CACNB2: variants seen among roughly 807,000 people sequenced by gnomAD.
The protein encoded by CACNB2 is voltage-dependent L-type calcium channel subunit beta-2.
CACNB2 carries 42 observed loss-of-function variants against 73.3 expected under a neutral mutation model. The observed-to-expected ratio is 0.57, with a 90% CI of 0.45 to 0.74. The LOEUF is 0.74. Ranked by LOEUF, CACNB2 falls within the 30% of genes least tolerant of loss-of-function variation. CACNB2 has a pLI of 0.00. For missense variants in CACNB2, 940 were observed against 853.0 expected (o/e 1.10, Z -1.27); for synonymous variants, 348 against 310.3 (o/e 1.12, Z -1.28).
At chr10:18,228,130 A>G (rs1250436187) in intron 2 of CACNB2, among the ~76,000 whole-genome samples, 2 of 152,202 alleles carry the variant, frequency 1.3e-5, no homozygotes, top group Non-Finnish European at 2.9e-5. Flanking sequence ...TTGGGGGGAA[A>G]AAGAAAAATA....
At chr10:18,260,945 C>G (rs1477497896) in intron 2 of CACNB2, 1 of 1,270,554 alleles carries the variant, frequency 7.9e-7, no homozygotes, top group African/African-American at 1.5e-5. Context: ...CTGGACAGTC[C>G]TAACTCTGTG....
intron 7 of CACNB2, among the ~76,000 whole-genome samples, chr10:18,517,634 A>T (rs1564642072): frequency 6.6e-6 from 1 of 152,214 alleles, no homozygotes; most frequent in Non-Finnish European, 1.5e-5. Flanking sequence ...TCCCTCGAAG[A>T]CACATAAACC....
At chr10:18,173,884 G>A (rs1287287091) in intron 2 of CACNB2, among the ~76,000 whole-genome samples, 2 of 152,150 alleles carry the variant, frequency 1.3e-5, no homozygotes, top group Non-Finnish European at 2.9e-5. Context: ...CTATAAAAGT[G>A]CCACAAATAC....
At chr10:18,425,698 A>G (rs2045565030) in intron 3 of CACNB2, among the ~76,000 whole-genome samples, 1 of 152,156 alleles carries the variant, frequency 6.6e-6, no homozygotes, top group Non-Finnish European at 1.5e-5. Context: ...GCAAAAAAGG[A>G]AATTCTTTCC....
intron 1 of CACNB2, among the ~76,000 whole-genome samples, chr10:18,149,807 C>G (rs1429958371): frequency 6.6e-6 from 1 of 152,212 alleles, no homozygotes; most frequent in Non-Finnish European, 1.5e-5. Context: ...CATCTTCCAA[C>G]CCCTGTATAG....
At chr10:18,173,014 A>G (rs1564315695) in intron 2 of CACNB2, among the ~76,000 whole-genome samples, 1 of 146,824 alleles carries the variant, frequency 6.8e-6, no homozygotes, top group East Asian at 2.0e-4. Context: ...TACACCTCCC[A>G]GGTTCAAGTG....
intron 3 of CACNB2, among the ~76,000 whole-genome samples, chr10:18,468,129 T>A (rs969204804): frequency 2.0e-5 from 3 of 152,056 alleles, no homozygotes; most frequent in Non-Finnish European, 4.4e-5. Flanking sequence ...AGAACTGGGG[T>A]GCTCAAACAC....
Position 18,462,978 on chromosome 10 carries a change from C to T in CACNB2, c.334-35377C>T, listed in dbSNP as rs189781120. Among the ~76,000 whole-genome samples, 343 of 152,164 alleles carry T rather than the reference C, an allele frequency of 2.3e-3. 1 individual carries two copies. Among genetic ancestry groups the T allele is most frequent in the African/African-American group, 7.5e-3 (311 of 41,520 alleles). ...TTCACCATGTTGGCCAGGCTGGTCT[C>T]GAACTCCTGACCTCATGGTCCACCC... On this transcript the variant is annotated intron_variant, in intron 3 of 13. Transcript: ENST00000324631.
At chr10:18,354,865 C>G (rs2041848334) in intron 2 of CACNB2, among the ~76,000 whole-genome samples, 1 of 152,220 alleles carries the variant, frequency 6.6e-6, no homozygotes, top group African/African-American at 2.4e-5. Flanking sequence ...AAAGTCACAT[C>G]TGAAGCTCAA....
chr10:18,247,711 G>T (rs1342702575), intron 2 of CACNB2, among the ~76,000 whole-genome samples: 1 of 152,140 alleles, frequency 6.6e-6, no homozygotes, highest in South Asian at 2.1e-4. Context: ...CTGGGAAGTC[G>T]AAGGTTGAGG....
intron 2 of CACNB2, among the ~76,000 whole-genome samples, chr10:18,299,378 AG>A (rs1311082385): frequency 1.3e-5 from 2 of 152,166 alleles, no homozygotes; most frequent in South Asian, 2.1e-4. Flanking sequence ...CCCAAGGAAA[AG>A]CTCCACTGTG....
chr10:18,259,590 G>T (rs751827929), intron 2 of CACNB2, among the ~76,000 whole-genome samples: 1 of 150,286 alleles, frequency 6.7e-6, no homozygotes, highest in East Asian at 2.0e-4. Flanking sequence ...AAGTAGCCAG[G>T]CATGGTGGTG....
intron 2 of CACNB2, among the ~76,000 whole-genome samples, chr10:18,268,166 G>A (rs767686088): frequency 6.6e-6 from 1 of 152,198 alleles, no homozygotes; most frequent in Non-Finnish European, 1.5e-5. Flanking sequence ...CTCTTGTAAA[G>A]CGTATTGAAT....
intron 3 of CACNB2, among the ~76,000 whole-genome samples, chr10:18,405,817 G>A (rs2044256767): frequency 2.0e-5 from 3 of 152,164 alleles, no homozygotes; most frequent in Admixed American, 2.0e-4. Flanking sequence ...AATTAGCTGG[G>A]TTTGGTGGTG....
rs111902066 is a variant in CACNB2, at chr10:18,176,374, G to A, written c.213+25399G>A. ...ATGATGTATTTAAAAGAAGAAAATG[G>A]GAAGGCTTTAAATAGGGAAATAGAG... On this transcript the variant is annotated intron_variant, in intron 2 of 13. Transcript: ENST00000324631. Among the ~76,000 whole-genome samples, 300 of 152,186 alleles carry A rather than the reference G, an allele frequency of 2.0e-3. 2 individuals are homozygous for A. Among genetic ancestry groups the A allele is most frequent in the African/African-American group, 6.7e-3 (278 of 41,508 alleles).
chr10:18,425,298 G>A (rs1310075488), intron 3 of CACNB2, among the ~76,000 whole-genome samples: 1 of 152,066 alleles, frequency 6.6e-6, no homozygotes. Context: ...CATTTATATA[G>A]CATTCTTAAT....
chr10:18,164,188 T>C (rs190171268), intron 2 of CACNB2, among the ~76,000 whole-genome samples: 26 of 152,358 alleles, frequency 1.7e-4, no homozygotes, highest in African/African-American at 6.0e-4. Flanking sequence ...CAATTGAAGG[T>C]CACAGGGTTT....
At chr10:18,499,337 G>A (rs963627346) in intron 4 of CACNB2, among the ~76,000 whole-genome samples, 2 of 152,154 alleles carry the variant, frequency 1.3e-5, no homozygotes, top group Non-Finnish European at 2.9e-5. Context: ...AGAACCTAGG[G>A]CTGGGCCCGG....
chr10:18,500,735 C>T (rs774229845), intron 4 of CACNB2, 77 bp from the exon 5 acceptor site: 61 of 1,430,492 alleles, frequency 4.3e-5, no homozygotes, highest in African/African-American at 2.8e-4. Context: ...ATATTTCTCT[C>T]GACTGAAAAT....
Sources: gnomAD v4.1 joint callset for allele counts (sites outside exome capture counted in the v4.1 genomes callset) on GRCh38, gnomAD v4.1.1 for gene constraint, MANE v1.5 for transcripts, NCBI Gene and HGNC (gene_info 2026-07-23, HGNC 2026-07-21) for gene names.